The following RGS22 variants were observed in gnomAD, a reference collection of about 807,000 sequenced individuals.
RGS22 encodes regulator of G protein signaling 22.
A neutral mutation model predicts 172.9 loss-of-function variants in RGS22; 148 were observed. The observed-to-expected ratio is 0.86, with a 90% CI of 0.75 to 0.98. The LOEUF (loss-of-function observed/expected upper bound fraction) is 0.98, where lower values mean the gene tolerates loss of function less well. Among genes scored for constraint, RGS22 ranks in the 50% least tolerant of loss-of-function variants. The pLI, the probability that RGS22 is intolerant of heterozygous loss-of-function variation, is 0.00. For synonymous variants in RGS22, 458 were observed against 480.2 expected, an observed-to-expected ratio of 0.95 and a Z score of 0.60; for missense variants, 1,347 against 1,440.8, an observed-to-expected ratio of 0.93 and a Z score of 1.05.
intron 14 of RGS22, among the ~76,000 whole-genome samples, chr8:100,010,492 A>T (rs974521452): frequency 6.6e-6 from 1 of 152,150 alleles, no homozygotes; most frequent in Admixed American, 6.5e-5. Flanking sequence ...CTAAAAAAAT[A>T]AAAAACCAAC....
chr8:100,018,866 T>C (rs1382721156), intron 14 of RGS22, among the ~76,000 whole-genome samples: 1 of 152,218 alleles, frequency 6.6e-6, no homozygotes, highest in Non-Finnish European at 1.5e-5. Context: ...TGTATCATAA[T>C]GCATGCCAGA....
At chr8:100,079,856 A>T (rs1811617612) in intron 4 of RGS22, among the ~76,000 whole-genome samples, 1 of 152,216 alleles carries the variant, frequency 6.6e-6, no homozygotes, top group Admixed American at 6.5e-5. Flanking sequence ...TAACGCATCA[A>T]AATTATAAAG....
chr8:100,038,666 A>G (rs1819764636), intron 14 of RGS22: 1 of 281,854 alleles, frequency 3.5e-6, no homozygotes, highest in Non-Finnish European at 6.6e-6. Flanking sequence ...TTAGAAAAAA[A>G]AGAGAGAGAG....
intron 10 of RGS22, among the ~76,000 whole-genome samples, chr8:100,052,434 T>G (rs1370520386): frequency 1.3e-5 from 2 of 151,294 alleles, no homozygotes; most frequent in Admixed American, 1.3e-4. Context: ...CCCGAGTAGC[T>G]GGGACTACAG....
intron 14 of RGS22, among the ~76,000 whole-genome samples, chr8:100,037,670 A>T (rs1035037890): frequency 6.6e-6 from 1 of 152,236 alleles, no homozygotes; most frequent in Admixed American, 6.5e-5. Context: ...TGGGCAGCTG[A>T]AGATTTTTGG....
At chr8:100,087,539 GTACT>G (rs1812254824) in intron 3 of RGS22, among the ~76,000 whole-genome samples, 2 of 150,156 alleles carry the variant, frequency 1.3e-5, no homozygotes, top group Non-Finnish European at 2.9e-5. Flanking sequence ...AATTAGTGAC[GTACT>G]TAAACTGCCA....
chr8:100,042,516 T>C (rs1030056258), intron 11 of RGS22, among the ~76,000 whole-genome samples: 27 of 152,218 alleles, frequency 1.8e-4, no homozygotes, highest in Non-Finnish European at 1.2e-4. Flanking sequence ...ATTATATAGA[T>C]TAGTTTGGGG....
Position 100,002,205 on chromosome 8 carries a change from G to C in RGS22, c.2787C>G (p.Asn929Lys). The C allele has an allele frequency of 1.3e-6, 2 of 1,570,366 alleles. No homozygotes were observed. The highest frequency in any genetic ancestry group is 2.3e-5 in the East Asian group (1 of 43,828). The part of the protein sequence containing the change: ...PNSPASLYQQ[N>K]QVMHLSGGWG... ...AAATAGGTTTGCATGTTGATACCTG[G>C]TTCTGCTGATACAGAGAAGCTGGAC... Residue 929 changes from asparagine to lysine, a missense_variant, in exon 18 of 28, where the codon AAC becomes AAG. Transcript: ENST00000360863.
chr8:100,067,603 A>C (rs1441393273), intron 6 of RGS22, among the ~76,000 whole-genome samples: 1 of 151,314 alleles, frequency 6.6e-6, no homozygotes, highest in Non-Finnish European at 1.5e-5. Context: ...TCTTTAACAT[A>C]ATTATTCCAC....
intron 18 of RGS22, among the ~76,000 whole-genome samples, chr8:100,000,176 T>C (rs1814884795): frequency 6.6e-6 from 1 of 152,196 alleles, no homozygotes; most frequent in Non-Finnish European, 1.5e-5. Context: ...TTTCTACCTG[T>C]TTCTGTGTAC....
chr8:99,984,758 T>A (rs1014547840), intron 21 of RGS22, among the ~76,000 whole-genome samples: 1 of 151,514 alleles, frequency 6.6e-6, no homozygotes. Flanking sequence ...TAAATATTTG[T>A]TGGATAAATA....
chr8:99,970,554 C>T (rs1006519369), intron 23 of RGS22, among the ~76,000 whole-genome samples: 28 of 152,080 alleles, frequency 1.8e-4, no homozygotes, highest in African/African-American at 6.3e-4. Context: ...GATATCAGCA[C>T]GAATCCCACA....
intron 4 of RGS22, 48 bp from the exon 5 acceptor site, chr8:100,072,278 T>G: frequency 8.5e-7 from 1 of 1,180,140 alleles, no homozygotes. Flanking sequence ...GAAAATCACT[T>G]TTAGGATGAT....
intron 2 of RGS22, among the ~76,000 whole-genome samples, chr8:100,095,638 TC>T (rs1172319097): frequency 1.3e-5 from 2 of 152,222 alleles, no homozygotes; most frequent in Non-Finnish European, 2.9e-5. Flanking sequence ...CCATAAAGGT[TC>T]TAAAAGTTTA....
intron 19 of RGS22, 87 bp downstream of exon 19, chr8:99,999,175 G>C (rs1056076077): frequency 1.8e-6 from 2 of 1,121,892 alleles, no homozygotes; most frequent in African/African-American, 3.2e-5. Flanking sequence ...AAAAAAAAAG[G>C]ACAATGGCTG....
chr8:100,019,565 T>G (rs1178122060), intron 14 of RGS22, among the ~76,000 whole-genome samples: 1 of 152,232 alleles, frequency 6.6e-6, no homozygotes, highest in Admixed American at 6.5e-5. Flanking sequence ...CTGTGAGATC[T>G]TAATACTAGT....
chr8:99,999,173 A>AAAT, intron 19 of RGS22, 89 bp downstream of exon 19: 1 of 1,131,562 alleles, frequency 8.8e-7, no homozygotes, highest in Non-Finnish European at 1.2e-6. Context: ...AAAAAAAAAA[A>AAAT]GGACAATGGC....
chr8:100,040,282 T>A (rs1162010534), intron 12 of RGS22, among the ~76,000 whole-genome samples, 195 bp from the exon 13 acceptor site: 2 of 152,232 alleles, frequency 1.3e-5, no homozygotes, highest in African/African-American at 2.4e-5. Context: ...GGAGCCCAAC[T>A]ATAGCCACAG....
At chr8:100,065,860 C>G (rs3133710) in intron 7 of RGS22, among the ~76,000 whole-genome samples, 1,898 of 152,112 alleles carry the variant, frequency 0.012, 55 homozygotes, top group East Asian at 0.1. Context: ...AGCACCAGGC[C>G]AGGCATTTTC....
Sources: allele counts gnomAD v4.1 joint callset (sites outside exome capture counted in the v4.1 genomes callset), GRCh38; gene constraint gnomAD v4.1.1; transcripts MANE v1.5; gene names NCBI Gene and HGNC (gene_info 2026-07-23, HGNC 2026-07-21).